SNX24: variants seen among roughly 807,000 people sequenced by gnomAD.
SNX24 encodes the protein sorting nexin-24.
A neutral mutation model predicts 28.7 loss-of-function variants in SNX24; 22 were observed. That is an observed-to-expected ratio of 0.77 (90% CI 0.55 to 1.10). The LOEUF is 1.10. Among genes scored for constraint, SNX24 ranks in the 50% least tolerant of loss-of-function variants. SNX24 has a pLI of 0.00. For missense variants in SNX24, 221 were observed against 201.1 expected, an observed-to-expected ratio of 1.10 and a Z score of -0.60; for synonymous variants, 69 against 71.5, an observed-to-expected ratio of 0.96 and a Z score of 0.18.
chr5:122,936,840 G>A (rs371649972), intron 2 of SNX24, 23 bp downstream of exon 2: 3 of 1,509,994 alleles, frequency 2.0e-6, no homozygotes, highest in Non-Finnish European at 2.8e-6. Context: ...CTGTTTTTTT[G>A]TCTTTTCTCT....
At chr5:122,979,105 A>G (rs987780218) in intron 3 of SNX24, among the ~76,000 whole-genome samples, 5 of 152,210 alleles carry the variant, frequency 3.3e-5, no homozygotes, top group African/African-American at 1.2e-4. Flanking sequence ...AGGTTACAAT[A>G]GTAGTACCCC....
intron 3 of SNX24, among the ~76,000 whole-genome samples, chr5:122,956,687 T>C (rs30070): frequency 0.81 from 123,470 of 152,158 alleles, 50,986 homozygotes; most frequent in East Asian, 0.99. Context: ...CTCCTCCTCA[T>C]GAGCACCTGT....
Position 122,868,691 on chromosome 5 carries a change from A to T in SNX24, c.60+22998A>T, listed in dbSNP as rs904485692. Reference sequence around the variant, plus strand: ...AGAATCTTTTCAAGTCACTTGATAAATGGGCAGGAGTAACACACCCAAATG... The same window carrying T: ...AGAATCTTTTCAAGTCACTTGATAATTGGGCAGGAGTAACACACCCAAATG... On this transcript the variant is annotated intron_variant, in intron 1 of 6. Transcript: ENST00000261369. 2.0e-5 allele frequency among the ~76,000 whole-genome samples: 3 copies of T among 152,170 alleles called. 1 individual carries two copies. In the South Asian group the frequency reaches 6.2e-4, roughly 32 times the overall value.
At chr5:122,900,215 A>G (rs750810690) in intron 1 of SNX24, among the ~76,000 whole-genome samples, 20 of 150,670 alleles carry the variant, frequency 1.3e-4, no homozygotes, top group Non-Finnish European at 1.9e-4. Context: ...ATGAGGTCTC[A>G]CTGTGTTGCC....
At chr5:122,983,570 C>T (rs1177223672) in intron 3 of SNX24, among the ~76,000 whole-genome samples, 1 of 152,162 alleles carries the variant, frequency 6.6e-6, no homozygotes, top group East Asian at 1.9e-4. Context: ...CAGACTTTAT[C>T]AAAATCCTTC....
intron 3 of SNX24, among the ~76,000 whole-genome samples, chr5:122,960,120 A>G (rs1760422861): frequency 6.6e-6 from 1 of 152,222 alleles, no homozygotes; most frequent in African/African-American, 2.4e-5. Flanking sequence ...CTTCCCCATG[A>G]TGCAGTAAAA....
intron 2 of SNX24, among the ~76,000 whole-genome samples, chr5:122,940,224 C>T (rs1354099119): frequency 6.6e-6 from 1 of 152,068 alleles, no homozygotes; most frequent in Non-Finnish European, 1.5e-5. Context: ...GAACTCCTGA[C>T]CTCAGGTGAT....
At chr5:122,996,276 G>A (rs1762049782) in intron 3 of SNX24, among the ~76,000 whole-genome samples, 1 of 152,208 alleles carries the variant, frequency 6.6e-6, no homozygotes, top group Admixed American at 6.5e-5. Context: ...TTGGGGAGCT[G>A]GCACACAGCA....
At chr5:122,845,881 C>A (rs1230253769) in intron 1 of SNX24, among the ~76,000 whole-genome samples, 188 bp downstream of exon 1, 1 of 151,940 alleles carries the variant, frequency 6.6e-6, no homozygotes, top group Non-Finnish European at 1.5e-5. Flanking sequence ...CTCCCGGGCA[C>A]GGCGGCTGCG....
chr5:122,864,700 G>A (rs1252137427), intron 1 of SNX24, among the ~76,000 whole-genome samples: 1 of 152,210 alleles, frequency 6.6e-6, no homozygotes, highest in East Asian at 1.9e-4. Flanking sequence ...TATCGATGTG[G>A]GTGGTGCCAG....
At chr5:122,889,281 C>T (rs1474402337) in intron 1 of SNX24, among the ~76,000 whole-genome samples, 1 of 152,032 alleles carries the variant, frequency 6.6e-6, no homozygotes, top group Non-Finnish European at 1.5e-5. Context: ...TATTATTTCC[C>T]CCTGCCCTTC....
chr5:122,916,692 T>A (rs1283799103), intron 1 of SNX24, among the ~76,000 whole-genome samples: 1 of 152,194 alleles, frequency 6.6e-6, no homozygotes, highest in Non-Finnish European at 1.5e-5. Flanking sequence ...AGAGGCTGTT[T>A]ACTTAACAGT....
chr5:122,988,437 A>G (rs1261663203), intron 3 of SNX24, among the ~76,000 whole-genome samples: 2 of 152,220 alleles, frequency 1.3e-5, no homozygotes, highest in African/African-American at 2.4e-5. Context: ...AGATGTATGT[A>G]GACATTTTAA....
chr5:122,898,599 T>C (rs1384458238), intron 1 of SNX24, among the ~76,000 whole-genome samples: 1 of 152,136 alleles, frequency 6.6e-6, no homozygotes, highest in Admixed American at 6.5e-5. Flanking sequence ...AGGAGAAGTG[T>C]TGTTGTATAG....
intron 1 of SNX24, among the ~76,000 whole-genome samples, chr5:122,932,824 G>A (rs1282511997): frequency 7.4e-6 from 1 of 135,320 alleles, no homozygotes; most frequent in Non-Finnish European, 1.5e-5. Context: ...GCACCACTGC[G>A]CTCCAGCCGG....
At chr5:122,906,107 C>T (rs1757637044) in intron 1 of SNX24, among the ~76,000 whole-genome samples, 1 of 152,198 alleles carries the variant, frequency 6.6e-6, no homozygotes, top group Admixed American at 6.5e-5. Context: ...CCTCTGCATT[C>T]TTAGGGTGAC....
At chr5:122,997,551 A>G (rs1355512896) in intron 3 of SNX24, among the ~76,000 whole-genome samples, 2 of 152,172 alleles carry the variant, frequency 1.3e-5, no homozygotes, top group African/African-American at 4.8e-5. Flanking sequence ...TAGCCAGTGC[A>G]TTGTAAGCCG....
At chr5:122,993,113 C>G (rs1761922278) in intron 3 of SNX24, among the ~76,000 whole-genome samples, 1 of 152,008 alleles carries the variant, frequency 6.6e-6, no homozygotes, top group Non-Finnish European at 1.5e-5. Flanking sequence ...CCTGTGAAAC[C>G]ATAGCAGATA....
chr5:122,872,218 G>T (rs780098971), intron 1 of SNX24, among the ~76,000 whole-genome samples: 1 of 151,096 alleles, frequency 6.6e-6, no homozygotes, highest in Non-Finnish European at 1.5e-5. Context: ...TCCCTGCAGC[G>T]CTTTTAAATT....
Sources: gnomAD v4.1 joint callset for allele counts (sites outside exome capture counted in the v4.1 genomes callset) on GRCh38, gnomAD v4.1.1 for gene constraint, MANE v1.5 for transcripts, NCBI Gene and HGNC (gene_info 2026-07-23, HGNC 2026-07-21) for gene names.